The following NAT10 variants were observed in gnomAD, a reference collection of about 807,000 sequenced individuals.
NAT10 encodes N-acetyltransferase 10.
In NAT10, 109 loss-of-function variants were observed where a neutral mutation model predicts 132.2. That is an observed-to-expected ratio of 0.82 (90% CI 0.71 to 0.97). The LOEUF (loss-of-function observed/expected upper bound fraction) is 0.97, where lower values mean the gene tolerates loss of function less well. Ranked by LOEUF, NAT10 falls within the 50% of genes least tolerant of loss-of-function variation. NAT10 has a pLI of 0.00. For synonymous variants in NAT10, 479 were observed against 478.0 expected (o/e 1.00, Z -0.03); for missense variants, 1,184 against 1,263.4 (o/e 0.94, Z 0.95).
intron 25 of NAT10, 97 bp downstream of exon 25, chr11:34,141,305 TGTTTGCTGC>T (rs1197296500): frequency 2.6e-6 from 4 of 1,545,488 alleles, no homozygotes; most frequent in Non-Finnish European, 3.5e-6. Flanking sequence ...CATTTAGCTG[TGTTTGCTGC>T]ATCTCGTCAC....
chr11:34,145,526 C>A (rs1362607987), intron 28 of NAT10, among the ~76,000 whole-genome samples: 1 of 152,162 alleles, frequency 6.6e-6, no homozygotes, highest in East Asian at 1.9e-4. Context: ...GCCAGGATAT[C>A]AATGAAGAAT....
At chr11:34,138,446 A>C (rs964554079) in intron 21 of NAT10, among the ~76,000 whole-genome samples, 5 of 152,204 alleles carry the variant, frequency 3.3e-5, no homozygotes, top group Non-Finnish European at 5.9e-5. Flanking sequence ...CCGAGGGTTT[A>C]AAGTGGGACT....
chr11:34,131,239 T>C, intron 13 of NAT10, 142 bp from the exon 14 acceptor site: 2 of 1,262,760 alleles, frequency 1.6e-6, no homozygotes, highest in Non-Finnish European at 2.1e-6. Context: ...AAAAACAATT[T>C]TAAACCACCC....
intron 21 of NAT10, 70 bp from the exon 22 acceptor site, chr11:34,139,121 C>A: frequency 1.5e-6 from 2 of 1,370,714 alleles, no homozygotes; most frequent in Non-Finnish European, 1.0e-6. Context: ...TGAGTGTTTA[C>A]CCTTCATCAA....
intron 1 of NAT10, among the ~76,000 whole-genome samples, chr11:34,106,731 A>G (rs1383538839): frequency 6.6e-6 from 1 of 152,166 alleles, no homozygotes; most frequent in Non-Finnish European, 1.5e-5. Context: ...GCCTCGGGAT[A>G]TTTGAATTCT....
intron 22 of NAT10, 23 bp downstream of exon 22, chr11:34,139,310 G>A (rs757729277): frequency 1.2e-6 from 2 of 1,613,484 alleles, no homozygotes; most frequent in African/African-American, 1.3e-5. Flanking sequence ...TAGGGGTTTG[G>A]GGGAGACAAT....
At chr11:34,127,406 A>G (rs1852014953) in intron 11 of NAT10, 57 bp from the exon 12 acceptor site, 1 of 1,504,022 alleles carries the variant, frequency 6.6e-7, no homozygotes, top group Admixed American at 1.8e-5. Flanking sequence ...GTCGCCAGTA[A>G]TCACAGCTGT....
chr11:34,136,403 CTT>C (rs1368270481), intron 19 of NAT10, among the ~76,000 whole-genome samples: 3 of 152,204 alleles, frequency 2.0e-5, no homozygotes, highest in Non-Finnish European at 2.9e-5. Context: ...TTTCTAAACT[CTT>C]TGGCTGTCTT....
intron 8 of NAT10, among the ~76,000 whole-genome samples, chr11:34,121,141 T>A (rs1397978004): frequency 6.6e-6 from 1 of 152,158 alleles, no homozygotes; most frequent in East Asian, 1.9e-4. Flanking sequence ...TGGAGGCTTT[T>A]ATGCCCATAG....
intron 5 of NAT10, among the ~76,000 whole-genome samples, chr11:34,114,579 A>G (rs927563857): frequency 3.3e-5 from 5 of 152,014 alleles, no homozygotes; most frequent in African/African-American, 9.7e-5. Flanking sequence ...GGCCTCCTCA[A>G]ATGTCCTCAG....
At chr11:34,112,010 T>C in intron 3 of NAT10, 42 bp from the exon 4 acceptor site, 1 of 1,608,804 alleles carries the variant, frequency 6.2e-7, no homozygotes, top group East Asian at 2.2e-5. Flanking sequence ...TTAGCTGCTC[T>C]GGTTAACTGG....
rs768456050 is a variant in NAT10, at chr11:34,113,808, C to T, written c.465C>T (p.Asn155=). The T allele has an allele frequency of 5.0e-6, 8 of 1,614,056 alleles. No homozygotes were observed. Among genetic ancestry groups the T allele is most frequent in the Non-Finnish European group, 6.8e-6 (8 of 1,179,962 alleles). ...GLVVILLRTM[N]SLKQLYTVTM... ...TGGTCATCCTCCTACGGACCATGAA[C>T]TCACTCAAGCAATTGTACACAGTGA... The change falls in exon 5 of 29, where the codon AAC becomes AAT. Residue 155 remains asparagine (N), a synonymous_variant. Transcript: ENST00000257829.
At chr11:34,130,478 C>T (rs959821367) in intron 12 of NAT10, among the ~76,000 whole-genome samples, 9 of 152,178 alleles carry the variant, frequency 5.9e-5, no homozygotes, top group Admixed American at 2.6e-4. Context: ...TTTTTCCAGT[C>T]CTTATTTTTT....
At position 34,142,360 on chromosome 11, in the gene NAT10, G is replaced by A. The variant is rs754304400; in HGVS notation, c.2885+12G>A. On this transcript the variant is annotated intron_variant, in intron 27 of 28. Coordinates refer to ENST00000257829, the MANE Select transcript of NAT10 (RefSeq NM_024662.3). Reference sequence around the variant, plus strand: ...ATGGACCTCTCTGAGTAAGGCTTGTGGGAAGCAGAGGGTTTGCCTTGGCTT... The same window carrying A: ...ATGGACCTCTCTGAGTAAGGCTTGTAGGAAGCAGAGGGTTTGCCTTGGCTT... 25 of 1,613,070 alleles carry A rather than the reference G, an allele frequency of 1.5e-5. No individual in the cohort carries two copies. In the South Asian group the frequency reaches 2.7e-4, roughly 18 times the overall value.
At chr11:34,142,576 T>G (rs2132983694) in intron 27 of NAT10, among the ~76,000 whole-genome samples, 1 of 152,296 alleles carries the variant, frequency 6.6e-6, no homozygotes, top group African/African-American at 2.4e-5. Context: ...CATTGCACTC[T>G]CTGATCCCCA....
intron 27 of NAT10, among the ~76,000 whole-genome samples, chr11:34,142,750 A>G (rs1391306088): frequency 6.6e-6 from 1 of 152,236 alleles, no homozygotes; most frequent in Non-Finnish European, 1.5e-5. Flanking sequence ...CCCTTGCTCT[A>G]AAACCGTCTG....
intron 8 of NAT10, among the ~76,000 whole-genome samples, chr11:34,118,776 ACT>A (rs917933574): frequency 2.6e-5 from 4 of 151,972 alleles, no homozygotes; most frequent in African/African-American, 4.8e-5. Flanking sequence ...ACGGAGTCTC[ACT>A]CTGTCACCCA....
At chr11:34,138,425 C>T (rs1852257183) in intron 21 of NAT10, among the ~76,000 whole-genome samples, 1 of 152,260 alleles carries the variant, frequency 6.6e-6, no homozygotes, top group South Asian at 2.1e-4. Context: ...AGGCTAGTGT[C>T]CAGTGTCCGT....
chr11:34,134,045 TC>T (rs1030838529), intron 16 of NAT10, among the ~76,000 whole-genome samples: 2 of 150,874 alleles, frequency 1.3e-5, no homozygotes, highest in Non-Finnish European at 2.9e-5. Context: ...GCACCTGTAG[TC>T]CCAGCTACTC....
Sources: gnomAD v4.1 joint callset for allele counts (sites outside exome capture counted in the v4.1 genomes callset) on GRCh38, gnomAD v4.1.1 for gene constraint, MANE v1.5 for transcripts, NCBI Gene and HGNC (gene_info 2026-07-23, HGNC 2026-07-21) for gene names.